The following LRRTM1 variants were observed in gnomAD, a reference collection of about 807,000 sequenced individuals.
The protein encoded by LRRTM1 is leucine rich repeat transmembrane neuronal 1.
In LRRTM1, 8 loss-of-function variants were observed where a neutral mutation model predicts 37.3. The ratio of observed to expected loss-of-function variants is 0.21; its 90% CI spans 0.13 to 0.39. LRRTM1 has a LOEUF of 0.39. Among genes scored for constraint, LRRTM1 ranks in the 10% least tolerant of loss-of-function variants. LRRTM1 has a pLI of 1.00. For missense variants in LRRTM1, 557 were observed against 691.0 expected (o/e 0.81, Z 2.17); for synonymous variants, 326 against 316.8 (o/e 1.03, Z -0.31).
Position 80,302,767 on chromosome 2 carries a change from C to T in LRRTM1, c.1053G>A (p.Glu351=). The change falls in exon 2 of 2, where the codon GAG becomes GAA. Residue 351 remains glutamate (E), a synonymous_variant. Transcript: ENST00000295057. This position sits in a 1 kb window ranked among gnomAD's most constrained non-coding sequence, Gnocchi z 6.4. The part of the protein sequence containing the change: ...QCASPEYAQG[E]DVLDAVYAFH... Reference sequence around the variant, plus strand: ...AGGCGTACACGGCGTCCAGGACGTCCTCGCCCTGTGCGTACTCCGGGCTGG... The same window carrying T: ...AGGCGTACACGGCGTCCAGGACGTCTTCGCCCTGTGCGTACTCCGGGCTGG... The T allele has an allele frequency of 6.2e-7, 1 of 1,613,268 alleles. No individual in the cohort carries two copies. The highest frequency in any genetic ancestry group is 8.5e-7 in the Non-Finnish European group (1 of 1,179,890).
downstream of LRRTM1, among the ~76,000 whole-genome samples, chr2:80,300,277 TTGGGGTGTGTGTGTGTG>T (rs1676131732): frequency 9.6e-6 from 1 of 104,440 alleles, no homozygotes; most frequent in South Asian, 3.8e-4. Flanking sequence ...AGCTGGGGTG[TTGGGGTGTGTGTGTGTG>T]TGTGTGTGTG....
At chr2:80,295,739 C>G (rs762139637) in intron 2 of LRRTM1, among the ~76,000 whole-genome samples, 1 of 152,200 alleles carries the variant, frequency 6.6e-6, no homozygotes, top group Non-Finnish European at 1.5e-5. Context: ...AGTACTATGT[C>G]TAAAGATGAT....
intron 2 of LRRTM1, among the ~76,000 whole-genome samples, chr2:80,294,986 A>G (rs1029314822): frequency 3.3e-5 from 5 of 152,204 alleles, no homozygotes; most frequent in Admixed American, 6.5e-5. Context: ...TGAGTAGCAT[A>G]AAACACAGAT....
chr2:80,292,526 G>A (rs944250893), intron 2 of LRRTM1, among the ~76,000 whole-genome samples: 11 of 152,134 alleles, frequency 7.2e-5, no homozygotes, highest in African/African-American at 2.7e-4. Context: ...AAATCTTAAG[G>A]ATTTTGCAGG....
At chr2:80,289,633 C>A (rs528963751) in intron 2 of LRRTM1, among the ~76,000 whole-genome samples, 10 of 152,158 alleles carry the variant, frequency 6.6e-5, no homozygotes, top group Non-Finnish European at 1.5e-4. Flanking sequence ...ATTTGGCCAA[C>A]TCAATGCACA....
In LRRTM1 at chr2:80,302,249, A is replaced by T. The variant is rs751917787; in HGVS notation, c.*2T>A. 2 of 1,611,642 alleles carry T rather than the reference A, an allele frequency of 1.2e-6. No homozygotes were observed. Among genetic ancestry groups the T allele is most frequent in the South Asian group, 1.1e-5 (1 of 90,746 alleles). On this transcript the variant is annotated 3_prime_UTR_variant, in exon 2 of 2. Coordinates refer to ENST00000295057, the MANE Select transcript of LRRTM1 (RefSeq NM_178839.5). The surrounding 1 kb of genome is among the most constrained non-coding windows in gnomAD (Gnocchi z 6.4). ...CGCATGGGTTGAGAGCCACTGGGAC[A>T]ATCACACCTCGCATTCCCTCGCGGG...
At chr2:80,295,283 C>T (rs1407169908) in intron 2 of LRRTM1, among the ~76,000 whole-genome samples, 1 of 150,946 alleles carries the variant, frequency 6.6e-6, no homozygotes, top group Non-Finnish European at 1.5e-5. Context: ...TGTCTCAGGT[C>T]TCATGTGCGG....
downstream of LRRTM1, chr2:80,298,643 G>T (rs910600779): frequency 6.6e-6 from 1 of 152,270 alleles, no homozygotes; most frequent in Admixed American, 6.5e-5. Flanking sequence ...TCATAAATGT[G>T]TTGTTGATGC....
chr2:80,297,963 G>A (rs1334224507), downstream of LRRTM1, among the ~76,000 whole-genome samples: 1 of 151,856 alleles, frequency 6.6e-6, no homozygotes, highest in African/African-American at 2.4e-5. Flanking sequence ...TCACCTGCCT[G>A]CGCGTGTATG....
chr2:80,303,105 A>G lies in LRRTM1; in HGVS notation c.715T>C (p.Cys239Arg), dbSNP rs1223464501. The G allele has an allele frequency of 6.2e-7, 1 of 1,614,102 alleles. No individual in the cohort carries two copies. Among genetic ancestry groups the G allele is most frequent in the East Asian group, 2.2e-5 (1 of 44,862 alleles). The change falls in exon 2 of 2, where the codon TGC becomes CGC. Residue 239 changes from cysteine (C) to arginine (R), a missense_variant. Around this residue, in one of 5 missense-constraint regions of LRRTM1, gnomAD observed 200 missense variants for 249.9 expected, o/e 0.80. Transcript: ENST00000295057. This position sits in a 1 kb window ranked among gnomAD's most constrained non-coding sequence, Gnocchi z 7.7. The part of the protein sequence containing the change: ...FPRLISLHSL[C>R]LRRNKVAIVV... ...ATGGCCACCTTGTTCCTCCGCAGGC[A>G]GAGCGAGTGCAGGGAGATGAGGCGC...
At chr2:80,291,944 G>A (rs1275540700) in intron 2 of LRRTM1, among the ~76,000 whole-genome samples, 1 of 152,214 alleles carries the variant, frequency 6.6e-6, no homozygotes, top group Non-Finnish European at 1.5e-5. Context: ...GGCCTGGCCA[G>A]TTAGAAAGCT....
At chr2:80,290,636 A>G (rs1325740495) in intron 2 of LRRTM1, among the ~76,000 whole-genome samples, 2 of 151,948 alleles carry the variant, frequency 1.3e-5, no homozygotes, top group African/African-American at 2.4e-5. Flanking sequence ...TGAAATCTTA[A>G]TACCACAGAT....
chr2:80,302,557 G>A lies in LRRTM1; in HGVS notation c.1263C>T (p.Asn421=), dbSNP rs1470218165. The A allele has an allele frequency of 1.2e-6, 2 of 1,608,774 alleles. No homozygotes were observed. Among genetic ancestry groups the A allele is most frequent in the East Asian group, 2.2e-5 (1 of 44,862 alleles). The change falls in exon 2 of 2, where the codon AAC becomes AAT. Residue 421 remains asparagine, a synonymous_variant. Coordinates refer to ENST00000295057, the MANE Select transcript of LRRTM1 (RefSeq NM_178839.5). The surrounding 1 kb of genome is among the most constrained non-coding windows in gnomAD (Gnocchi z 6.4). ...VALPGGEHAE[N]AVQIHKVVTG... is the part of the protein sequence containing the mutation. ...TGACCACCTTGTGGATCTGCACGGC[G>A]TTCTCGGCGTGCTCGCCGCCTGGAA... is the stretch of plus-strand genomic sequence containing the variant.
chr2:80,303,827 A>G lies in LRRTM1; in HGVS notation c.-8T>C. 3 of 1,504,444 alleles carry G rather than the reference A, an allele frequency of 2.0e-6. No homozygotes were observed. The highest frequency in any genetic ancestry group is 2.7e-6 in the Non-Finnish European group (3 of 1,126,534). The allele number at this position is 1,504,444 out of a possible 1,614,324, so 93.2% of individuals were successfully genotyped here. ...GAGCAGCAGGAAATCCATTAGCGAG[A>G]ATCTTTCCAGAGAGACTGGAGAATG... On this transcript the variant is annotated 5_prime_UTR_variant, in exon 2 of 2. Coordinates refer to ENST00000295057, the MANE Select transcript of LRRTM1 (RefSeq NM_178839.5). This position sits in a 1 kb window ranked among gnomAD's most constrained non-coding sequence, Gnocchi z 7.7.
chr2:80,302,339 G>A lies in LRRTM1; in HGVS notation c.1481C>T (p.Pro494Leu). The A allele has an allele frequency of 6.2e-7, 1 of 1,614,202 alleles. No individual in the cohort carries two copies. The highest frequency in any genetic ancestry group is 8.5e-7 in the Non-Finnish European group (1 of 1,180,034). The change falls in exon 2 of 2, where the codon CCG becomes CTG. Residue 494 changes from proline (P) to leucine (L), a missense_variant. Physicochemically the swap from Pro to Leu is moderately conservative, Grantham distance 98 (BLOSUM62 -3). Around this residue, in one of 5 missense-constraint regions of LRRTM1, gnomAD observed 90 missense variants for 149.4 expected, o/e 0.60. Coordinates refer to ENST00000295057, the MANE Select transcript of LRRTM1 (RefSeq NM_178839.5). The surrounding 1 kb of genome is among the most constrained non-coding windows in gnomAD (Gnocchi z 6.4). ...CACCAGGGCTCCCTCAATGTGGTTC[G>A]GTTTGTAATCAACGTAGTATTCCTG... is the stretch of plus-strand genomic sequence containing the variant. ...SAQEYYVDYK[P>L]NHIEGALVII... is the part of the protein sequence containing the mutation.
downstream of LRRTM1, chr2:80,298,041 A>C (rs1558979480): frequency 6.6e-6 from 1 of 150,798 alleles, no homozygotes; most frequent in African/African-American, 2.4e-5. Context: ...TATATATTAT[A>C]TATATATATA....
downstream of LRRTM1, among the ~76,000 whole-genome samples, chr2:80,297,796 A>T (rs1573628579): frequency 6.6e-6 from 1 of 152,134 alleles, no homozygotes; most frequent in Non-Finnish European, 1.5e-5. Context: ...CAAAGCGTCT[A>T]CCTACTCATT....
downstream of LRRTM1, among the ~76,000 whole-genome samples, chr2:80,297,287 A>G (rs1396881494): frequency 6.6e-6 from 1 of 152,172 alleles, no homozygotes; most frequent in Admixed American, 6.5e-5. Flanking sequence ...TGTGTAGTGA[A>G]AAGGCCACCA....
intron 2 of LRRTM1, among the ~76,000 whole-genome samples, chr2:80,296,612 A>C (rs891316239): frequency 6.6e-6 from 1 of 152,240 alleles, no homozygotes; most frequent in African/African-American, 2.4e-5. Flanking sequence ...ATCTAAAACT[A>C]ACTCAGAAGT....
Sources: gnomAD v4.1 joint callset for allele counts (sites outside exome capture counted in the v4.1 genomes callset) on GRCh38, gnomAD v4.1.1 for gene constraint, gnomAD v4.1.1 regional missense constraint, Gnocchi (gnomAD v3.1) non-coding constraint, MANE v1.5 for transcripts, NCBI Gene and HGNC (gene_info 2026-07-23, HGNC 2026-07-21) for gene names.